Variants in PTPN14 observed in about 807,000 individuals in gnomAD.
PTPN14 encodes the protein protein tyrosine phosphatase non-receptor type 14.
Under a neutral mutation model 126.8 loss-of-function variants are expected in PTPN14, and 53 were observed. The observed-to-expected ratio is 0.42, with a 90% confidence interval of 0.34 to 0.53. PTPN14 has a LOEUF of 0.53. Among genes scored for constraint, PTPN14 ranks in the 20% least tolerant of loss-of-function variants. The pLI, the probability that PTPN14 is intolerant of heterozygous loss-of-function variation, is 0.08. For missense variants in PTPN14, 1,257 were observed against 1,552.9 expected, an observed-to-expected ratio of 0.81 and a Z score of 3.20; for synonymous variants, 630 against 599.3, an observed-to-expected ratio of 1.05 and a Z score of -0.75.
At chr1:214,442,820 C>CTTTTTTT (rs61357323) in intron 3 of PTPN14, among the ~76,000 whole-genome samples, 1 of 140,140 alleles carries the variant, frequency 7.1e-6, no homozygotes. Context: ...GCATAGCTTT[C>CTTTTTTT]TTTTTTTTTT....
At chr1:214,447,884 A>G (rs1010345448) in intron 3 of PTPN14, among the ~76,000 whole-genome samples, 2 of 152,224 alleles carry the variant, frequency 1.3e-5, no homozygotes, top group African/African-American at 2.4e-5. Flanking sequence ...TCAGCAACAC[A>G]GTTTGCTTCA....
chr1:214,387,072 T>G, intron 11 of PTPN14, 150 bp from the exon 12 acceptor site: 1 of 651,336 alleles, frequency 1.5e-6, no homozygotes, highest in Non-Finnish European at 2.7e-6. Flanking sequence ...CTCAACCTTC[T>G]TCTACCCGTC....
chr1:214,404,255 C>T (rs1199643010), intron 5 of PTPN14, among the ~76,000 whole-genome samples: 1 of 152,284 alleles, frequency 6.6e-6, no homozygotes, highest in African/African-American at 2.4e-5. Context: ...TCTGCACATC[C>T]TGCTAATTCT....
intron 1 of PTPN14, among the ~76,000 whole-genome samples, chr1:214,478,543 A>G (rs561593184): frequency 4.0e-4 from 61 of 151,998 alleles, no homozygotes; most frequent in Non-Finnish European, 7.8e-4. Flanking sequence ...TTGTATTTGG[A>G]AAAAAAACAA....
At chr1:214,367,219 T>C (rs943350011) in intron 17 of PTPN14, among the ~76,000 whole-genome samples, 2 of 152,256 alleles carry the variant, frequency 1.3e-5, no homozygotes, top group South Asian at 4.1e-4. Context: ...TGAGCACTGT[T>C]AGGAGGAAAA....
chr1:214,481,200 C>T (rs987692016), intron 1 of PTPN14, among the ~76,000 whole-genome samples: 3 of 152,104 alleles, frequency 2.0e-5, no homozygotes, highest in African/African-American at 7.2e-5. Flanking sequence ...CAGGGTCAAA[C>T]AAATGCAGCA....
At chr1:214,519,464 T>C (rs1286834852) in intron 1 of PTPN14, among the ~76,000 whole-genome samples, 2 of 152,140 alleles carry the variant, frequency 1.3e-5, no homozygotes, top group Non-Finnish European at 2.9e-5. Context: ...TTCTCAATAA[T>C]GCCTGCTGGT....
intron 3 of PTPN14, among the ~76,000 whole-genome samples, chr1:214,417,871 C>T (rs1012093391): frequency 1.3e-5 from 2 of 152,110 alleles, no homozygotes; most frequent in African/African-American, 4.8e-5. Flanking sequence ...GCAGACGTGC[C>T]CAAAACAGGA....
chr1:214,472,721 T>C (rs1660785313), intron 1 of PTPN14, among the ~76,000 whole-genome samples: 1 of 152,198 alleles, frequency 6.6e-6, no homozygotes, highest in Non-Finnish European at 1.5e-5. Flanking sequence ...GTTATTCCAC[T>C]GACTCATGCT....
At chr1:214,520,065 A>AAAAAAAAAATATATAT in intron 1 of PTPN14, among the ~76,000 whole-genome samples, 2 of 71,110 alleles carry the variant, frequency 2.8e-5, no homozygotes, top group Admixed American at 1.6e-4. Flanking sequence ...AAAAAAAAAA[A>AAAAAAAAAATATATAT]ATATATATAT....
rs1043931221 is a variant in PTPN14, at chr1:214,353,606, A to G, written c.*4316T>C. ...GTCACGTAACAAGTAGGCTGAGGTC[A>G]GCTAATACAGACTGTTCATCGGGAA... On this transcript the variant is annotated 3_prime_UTR_variant, in exon 19 of 19. Coordinates refer to ENST00000366956, the MANE Select transcript of PTPN14 (RefSeq NM_005401.5). 6.6e-6 allele frequency: 1 copy of G among 152,260 alleles called. No homozygotes were observed. The highest frequency in any genetic ancestry group is 2.4e-5 in the African/African-American group (1 of 41,466). 9.4% of individuals were successfully genotyped at this position (152,260 alleles called of 1,614,324 possible).
At chr1:214,488,376 C>T (rs1414501634) in intron 1 of PTPN14, among the ~76,000 whole-genome samples, 2 of 152,128 alleles carry the variant, frequency 1.3e-5, no homozygotes, top group Admixed American at 6.5e-5. Flanking sequence ...AGCTGTGCTG[C>T]TCTCACAAAG....
intron 7 of PTPN14, among the ~76,000 whole-genome samples, chr1:214,399,849 T>C (rs1412721400): frequency 1.3e-5 from 2 of 152,216 alleles, no homozygotes; most frequent in African/African-American, 4.8e-5. Context: ...TTCTAACCTG[T>C]CTATTAGGTT....
At chr1:214,546,928 G>C (rs531935204) in intron 1 of PTPN14, among the ~76,000 whole-genome samples, 5 of 152,076 alleles carry the variant, frequency 3.3e-5, no homozygotes, top group African/African-American at 1.2e-4. Flanking sequence ...AAAGCTTGAG[G>C]GGGGAAGAAA....
At chr1:214,462,613 G>A (rs1660537910) in intron 2 of PTPN14, among the ~76,000 whole-genome samples, 1 of 152,228 alleles carries the variant, frequency 6.6e-6, no homozygotes, top group African/African-American at 2.4e-5. Flanking sequence ...AGACTGCAGT[G>A]TTCAGTGGGC....
intron 1 of PTPN14, among the ~76,000 whole-genome samples, chr1:214,473,915 G>C (rs1414427668): frequency 6.6e-6 from 1 of 152,124 alleles, no homozygotes; most frequent in Non-Finnish European, 1.5e-5. Context: ...GCCAAGTAAA[G>C]CTTTTTCTGC....
At chr1:214,451,675 T>C (rs1660274747) in intron 3 of PTPN14, 130 bp downstream of exon 3, 5 of 1,072,596 alleles carry the variant, frequency 4.7e-6, no homozygotes, top group Non-Finnish European at 6.5e-6. Flanking sequence ...CCAACTATTT[T>C]ACCCTCTCCC....
intron 1 of PTPN14, among the ~76,000 whole-genome samples, chr1:214,509,121 C>T (rs1654909997): frequency 6.6e-6 from 1 of 152,198 alleles, no homozygotes; most frequent in Non-Finnish European, 1.5e-5. Flanking sequence ...GCAATAGCCC[C>T]TAAGAAGAAA....
intron 2 of PTPN14, among the ~76,000 whole-genome samples, chr1:214,462,114 T>C (rs1660526620): frequency 6.6e-6 from 1 of 152,124 alleles, no homozygotes; most frequent in African/African-American, 2.4e-5. Context: ...AAGGAAAGCA[T>C]AAAATTCAAA....
Sources: gnomAD v4.1 joint callset for allele counts (sites outside exome capture counted in the v4.1 genomes callset) on GRCh38, gnomAD v4.1.1 for gene constraint, MANE v1.5 for transcripts, NCBI Gene and HGNC (gene_info 2026-07-23, HGNC 2026-07-21) for gene names.